Variants in ITPR1 observed in about 807,000 individuals in gnomAD.
The protein encoded by ITPR1 is inositol 1,4,5-trisphosphate-gated calcium channel ITPR1.
A neutral mutation model predicts 318.4 loss-of-function variants in ITPR1; 96 were observed. The observed-to-expected ratio is 0.30, with a 90% confidence interval of 0.26 to 0.36. The LOEUF (loss-of-function observed/expected upper bound fraction) is 0.36, where lower values mean the gene tolerates loss of function less well. Among genes scored for constraint, ITPR1 ranks in the 10% least tolerant of loss-of-function variants. The probability of loss-of-function intolerance (pLI) is 1.00; values close to 1 mark genes in which losing one functional copy is unlikely to be tolerated. For missense variants in ITPR1, 2,440 were observed against 3,460.2 expected (o/e 0.71, Z 7.40); for synonymous variants, 1,312 against 1,289.9 (o/e 1.02, Z -0.37).
chr3:4,688,684 C>T, intron 31 of ITPR1, 64 bp downstream of exon 31: 1 of 1,527,996 alleles, frequency 6.5e-7, no homozygotes, highest in South Asian at 1.2e-5. Context: ...GGAGGAGGAA[C>T]AGCTTGTTCT....
chr3:4,699,793 C>G lies in ITPR1; in HGVS notation c.4408-20C>G. The G allele has an allele frequency of 1.2e-6, 2 of 1,613,018 alleles. No individual in the cohort carries two copies. Among genetic ancestry groups the G allele is most frequent in the Non-Finnish European group, 1.7e-6 (2 of 1,179,160 alleles). On this transcript the variant is annotated intron_variant, in intron 34 of 61. Coordinates refer to ENST00000649015, the MANE Select transcript of ITPR1 (RefSeq NM_001378452.1). ...GTGTAGGTTTTGGTGTAATGCTTAA[C>G]ATACCCACTTGTCTTCCAGGCCTGT...
At chr3:4,585,198 T>C (rs562162204) in intron 4 of ITPR1, among the ~76,000 whole-genome samples, 1 of 152,238 alleles carries the variant, frequency 6.6e-6, no homozygotes, top group Non-Finnish European at 1.5e-5. Context: ...CAAAGCAATA[T>C]GCTAGGTATG....
chr3:4,626,168 C>T (rs895084610), intron 4 of ITPR1, among the ~76,000 whole-genome samples: 5 of 150,696 alleles, frequency 3.3e-5, no homozygotes, highest in African/African-American at 1.2e-4. Context: ...AAATTGGTGG[C>T]TATACCCTAA....
intron 4 of ITPR1, among the ~76,000 whole-genome samples, chr3:4,576,475 G>A (rs903313672): frequency 6.6e-6 from 1 of 152,180 alleles, no homozygotes; most frequent in African/African-American, 2.4e-5. Context: ...TAGGAGTCTT[G>A]GCAGGGAGAG....
chr3:4,725,193 T>C (rs1381486428), intron 40 of ITPR1, among the ~76,000 whole-genome samples: 1 of 151,986 alleles, frequency 6.6e-6, no homozygotes, highest in African/African-American at 2.4e-5. Flanking sequence ...ATTGCTTTCC[T>C]TGTCTCGGTG....
At chr3:4,535,187 G>T (rs2124960928) in intron 4 of ITPR1, among the ~76,000 whole-genome samples, 1 of 152,260 alleles carries the variant, frequency 6.6e-6, no homozygotes. Flanking sequence ...TCTCTTGCAA[G>T]CTACAAGAAC....
intron 61 of ITPR1, among the ~76,000 whole-genome samples, chr3:4,840,196 G>A (rs1302638895): frequency 6.6e-6 from 1 of 151,886 alleles, no homozygotes; most frequent in African/African-American, 2.4e-5. Context: ...TTTGGTTATA[G>A]CAATCATAAA....
rs4684438 is a variant in ITPR1 at position 4,681,272 on chromosome 3, A to G, written c.3107-92A>G. 169,897 of 858,072 alleles carry G rather than the reference A, an allele frequency of 0.2. 18,896 individuals are homozygous for G. Among genetic ancestry groups the G allele is most frequent in the South Asian group, 0.35 (24,852 of 71,190 alleles). The allele number at this position is 858,072 out of a possible 1,614,324, so 53.2% of individuals were successfully genotyped here. A position where few individuals can be genotyped will look rare whatever the true frequency, so the allele number is the denominator to read the frequency against. ...TTCTGGGAGATTTGGGGTTAACTCA[A>G]CAGCTTTACCCTGCAAAACTTATGG... On this transcript the variant is annotated intron_variant, in intron 25 of 61. Coordinates refer to ENST00000649015, the MANE Select transcript of ITPR1 (RefSeq NM_001378452.1).
intron 4 of ITPR1, among the ~76,000 whole-genome samples, chr3:4,547,584 C>G (rs1278864270): frequency 1.3e-5 from 2 of 152,230 alleles, no homozygotes; most frequent in Non-Finnish European, 2.9e-5. Flanking sequence ...GGTTCAAGTA[C>G]TGGCTTTACC....
At chr3:4,617,116 T>C (rs2125109653) in intron 4 of ITPR1, among the ~76,000 whole-genome samples, 1 of 152,242 alleles carries the variant, frequency 6.6e-6, no homozygotes, top group South Asian at 2.1e-4. Context: ...CTTTGACTTA[T>C]ACCAGTTGCC....
chr3:4,610,285 C>A (rs555812212), intron 4 of ITPR1, among the ~76,000 whole-genome samples: 1 of 152,110 alleles, frequency 6.6e-6, no homozygotes, highest in African/African-American at 2.4e-5. Flanking sequence ...GTTGGTTCCT[C>A]CCTCTCCCTG....
intron 4 of ITPR1, among the ~76,000 whole-genome samples, chr3:4,552,990 T>A (rs1205424080): frequency 6.6e-6 from 1 of 152,206 alleles, no homozygotes; most frequent in Admixed American, 6.5e-5. Context: ...GGGTAGGGAC[T>A]TTCTCGTTGA....
chr3:4,683,941 G>C, intron 28 of ITPR1, 143 bp downstream of exon 28: 1 of 798,266 alleles, frequency 1.3e-6, no homozygotes, highest in Non-Finnish European at 2.0e-6. Flanking sequence ...ATCACAAGCT[G>C]TTTGCCTAGG....
At chr3:4,795,556 G>A (rs182894812) in intron 53 of ITPR1, among the ~76,000 whole-genome samples, 16 of 152,302 alleles carry the variant, frequency 1.1e-4, no homozygotes, top group African/African-American at 3.1e-4. Flanking sequence ...AAACGTAGAC[G>A]TCTTGATGCT....
chr3:4,513,764 C>T (rs2081998104), intron 2 of ITPR1, among the ~76,000 whole-genome samples: 1 of 152,154 alleles, frequency 6.6e-6, no homozygotes, highest in Admixed American at 6.5e-5. Context: ...CCCAGGATCA[C>T]TGTTGATAAA....
At chr3:4,612,063 CTTTT>C (rs34678180) in intron 4 of ITPR1, among the ~76,000 whole-genome samples, 7 of 108,550 alleles carry the variant, frequency 6.4e-5, no homozygotes, top group Admixed American at 2.4e-4. Flanking sequence ...GTATCAGGCC[CTTTT>C]TTTTTTTTTT....
At chr3:4,543,698 C>T (rs186084135) in intron 4 of ITPR1, among the ~76,000 whole-genome samples, 55 of 152,302 alleles carry the variant, frequency 3.6e-4, no homozygotes, top group Non-Finnish European at 5.9e-5. Flanking sequence ...CCACCTCGGC[C>T]TCCCAAAGTG....
intron 44 of ITPR1, among the ~76,000 whole-genome samples, chr3:4,737,889 T>C (rs1420578755): frequency 6.6e-6 from 1 of 152,182 alleles, no homozygotes; most frequent in Non-Finnish European, 1.5e-5. Context: ...TGTTTAAAAC[T>C]CCGTGATCGT....
At chr3:4,683,962 C>T (rs1043909031) in intron 28 of ITPR1, among the ~76,000 whole-genome samples, 164 bp downstream of exon 28, 12 of 152,188 alleles carry the variant, frequency 7.9e-5, no homozygotes, top group Admixed American at 5.2e-4. Flanking sequence ...AAATAAGCTA[C>T]GAATCAAAGT....
Sources: gnomAD v4.1 joint callset for allele counts (sites outside exome capture counted in the v4.1 genomes callset) on GRCh38, gnomAD v4.1.1 for gene constraint, MANE v1.5 for transcripts, NCBI Gene and HGNC (gene_info 2026-07-23, HGNC 2026-07-21) for gene names.